Variants in CDC45 observed in about 807,000 individuals in gnomAD.
The protein encoded by CDC45 is cell division cycle 45.
In CDC45, 54 loss-of-function variants were observed where a neutral mutation model predicts 77.8. The observed-to-expected ratio is 0.69, with a 90% CI of 0.56 to 0.87. The LOEUF is 0.87. Ranked by LOEUF, CDC45 falls within the 40% of genes least tolerant of loss-of-function variation. CDC45 has a pLI of 0.00. For synonymous variants in CDC45, 260 were observed against 272.1 expected (o/e 0.96, Z 0.44); for missense variants, 649 against 721.6 (o/e 0.90, Z 1.15).
intron 2 of CDC45, 63 bp downstream of exon 2, chr22:19,480,280 C>A: frequency 6.8e-7 from 1 of 1,475,972 alleles, no homozygotes; most frequent in Non-Finnish European, 9.4e-7. Context: ...TGCGTGGGGG[C>A]GCAGGGCGGG....
intron 17 of CDC45, 108 bp downstream of exon 17, chr22:19,517,001 C>T: frequency 1.1e-6 from 1 of 891,436 alleles, no homozygotes; most frequent in South Asian, 1.5e-5. Flanking sequence ...TGGCCAGCAG[C>T]CCTCTTGACC....
At position 19,516,667 on chromosome 22, in the gene CDC45, T is replaced by G. The variant is rs1274805541; in HGVS notation, c.1559+22T>G. On this transcript the variant is annotated intron_variant, in intron 16 of 18. Coordinates refer to ENST00000263201, the MANE Select transcript of CDC45 (RefSeq NM_003504.5). ...AGAAGTGAGCAGCTTCCACTCGTCC[T>G]GGGACTGGAGGGTCGGGGGTGTTGG... is the stretch of plus-strand genomic sequence containing the variant. 6 of 1,595,432 alleles carry G rather than the reference T, an allele frequency of 3.8e-6. No homozygotes were observed. In the African/African-American group the frequency reaches 6.8e-5, roughly 18 times the overall value.
chr22:19,508,954 A>G (rs1338663310), intron 13 of CDC45, among the ~76,000 whole-genome samples: 1 of 151,418 alleles, frequency 6.6e-6, no homozygotes, highest in Non-Finnish European at 1.5e-5. Context: ...TACCTTTTGT[A>G]TCTCTTAACA....
At chr22:19,505,541 T>G (rs199603971) in intron 10 of CDC45, 60 bp downstream of exon 10, 211 of 1,596,098 alleles carry the variant, frequency 1.3e-4, no homozygotes, top group Middle Eastern at 5.6e-4. Context: ...AGGCCTTGTT[T>G]GCTTTGTCAC....
chr22:19,517,693 G>GTCCTCACGTGGTCTT (rs1390984296), intron 17 of CDC45, among the ~76,000 whole-genome samples: 2 of 152,152 alleles, frequency 1.3e-5, no homozygotes, highest in Non-Finnish European at 2.9e-5. Context: ...TTCTCACTGT[G>GTCCTCACGTGGTCTT]TCCTCACGTG....
At position 19,507,894 on chromosome 22, in the gene CDC45, C is replaced by T. The variant is rs1203634409; in HGVS notation, c.1055+30C>T. On this transcript the variant is annotated intron_variant, in intron 12 of 18. Transcript: ENST00000263201. ...ACACACATTTTTCTGGATTTATCTT[C>T]ATTACATCCAGGTTCATTAAAGTGA... 14 of 1,409,616 alleles carry T rather than the reference C, an allele frequency of 9.9e-6. No homozygotes were observed. The Admixed American group carries it at 2.0e-4, about 20-fold the overall frequency. 87.3% of individuals were successfully genotyped at this position (1,409,616 alleles called of 1,614,324 possible).
chr22:19,509,477 T>C, intron 13 of CDC45, among the ~76,000 whole-genome samples: 1 of 152,222 alleles, frequency 6.6e-6, no homozygotes, highest in East Asian at 1.9e-4. Context: ...TGGGGTTATT[T>C]AGAAAGTCTT....
At chr22:19,483,419 G>A (rs1051209568) in intron 4 of CDC45, among the ~76,000 whole-genome samples, 1 of 152,066 alleles carries the variant, frequency 6.6e-6, no homozygotes, top group Non-Finnish European at 1.5e-5. Flanking sequence ...GCGACAGAGC[G>A]AGACTCCGTC....
At chr22:19,494,471 C>T (rs1431381076) in intron 6 of CDC45, 89 bp downstream of exon 6, 1 of 1,576,908 alleles carries the variant, frequency 6.3e-7, no homozygotes. Context: ...CTTCCTGTCT[C>T]AGGATAATTT....
chr22:19,500,658 A>T lies in CDC45; in HGVS notation c.704+1507A>T, dbSNP rs9618588. ...GTGCAGTTTGTACACCCTGATGATTACATCCCCCTTGCCCCACCAATCAAC... is the reference window on the plus strand; with the variant it reads ...GTGCAGTTTGTACACCCTGATGATTTCATCCCCCTTGCCCCACCAATCAAC... On this transcript the variant is annotated intron_variant, in intron 9 of 18. Coordinates refer to ENST00000263201, the MANE Select transcript of CDC45 (RefSeq NM_003504.5). Among the ~76,000 whole-genome samples, 1,422 of 152,208 alleles carry T rather than the reference A, an allele frequency of 9.3e-3. 18 individuals carry two copies. Among genetic ancestry groups the T allele is most frequent in the African/African-American group, 0.026 (1,059 of 41,526 alleles).
At chr22:19,480,400 C>T (rs2089959402) in intron 2 of CDC45, among the ~76,000 whole-genome samples, 183 bp downstream of exon 2, 2 of 152,190 alleles carry the variant, frequency 1.3e-5, no homozygotes, top group African/African-American at 4.8e-5. Flanking sequence ...CTCCCTGTCC[C>T]AACGGTGTGG....
chr22:19,511,284 C>T (rs1933496844), intron 13 of CDC45, among the ~76,000 whole-genome samples: 1 of 149,126 alleles, frequency 6.7e-6, no homozygotes, highest in South Asian at 2.1e-4. Context: ...GCTTATTGGT[C>T]ATTTGTGTAT....
intron 4 of CDC45, among the ~76,000 whole-genome samples, chr22:19,483,619 A>C (rs1478775079): frequency 2.0e-5 from 3 of 152,212 alleles, no homozygotes; most frequent in Admixed American, 6.5e-5. Flanking sequence ...ATGGTTCTCA[A>C]AGAACTGTTT....
chr22:19,482,931 C>A, intron 4 of CDC45, 104 bp downstream of exon 4: 5 of 990,976 alleles, frequency 5.0e-6, no homozygotes, highest in Non-Finnish European at 6.2e-6. Context: ...CCCTGTGGGA[C>A]TGGGAACAGC....
intron 7 of CDC45, among the ~76,000 whole-genome samples, chr22:19,497,065 C>T (rs939593094): frequency 1.3e-5 from 2 of 152,160 alleles, no homozygotes; most frequent in African/African-American, 4.8e-5. Flanking sequence ...CTGAGGAACA[C>T]AGGGAGATAC....
At chr22:19,488,084 T>C (rs1326694224) in intron 5 of CDC45, among the ~76,000 whole-genome samples, 1 of 152,202 alleles carries the variant, frequency 6.6e-6, no homozygotes, top group African/African-American at 2.4e-5. Context: ...TGCTATAATA[T>C]CGTGGCTCAG....
In CDC45 at chr22:19,507,391, G is replaced by A. The variant is rs145642842; in HGVS notation, c.830G>A (p.Arg277His). The change falls in exon 11 of 19, where the codon CGC becomes CAC. Residue 277 changes from arginine (R) to histidine (H), a missense_variant. By Grantham distance (29) the Arg-to-His change is conservative (BLOSUM62 0). Coordinates refer to ENST00000263201, the MANE Select transcript of CDC45 (RefSeq NM_003504.5). ...CTCCTTGACTGCAGGCCCAGCCTCC[G>A]CCTGGTGCTCTACCAGCACTGGTCC... ...CTRISFEYDLRLVLYQHWSLH... is the reference protein window; with the variant it reads ...CTRISFEYDLHLVLYQHWSLH... The A allele has an allele frequency of 3.8e-5, 62 of 1,613,870 alleles. No homozygotes were observed. The highest frequency in any genetic ancestry group is 2.9e-4 in the East Asian group (13 of 44,878).
At chr22:19,515,470 C>T (rs1437719157) in intron 15 of CDC45, among the ~76,000 whole-genome samples, 1 of 152,216 alleles carries the variant, frequency 6.6e-6, no homozygotes, top group Non-Finnish European at 1.5e-5. Flanking sequence ...ACACTCCTAA[C>T]TTGGCTGGCT....
intron 8 of CDC45, among the ~76,000 whole-genome samples, chr22:19,497,678 T>G (rs546477621): frequency 3.9e-5 from 6 of 152,130 alleles, no homozygotes; most frequent in African/African-American, 1.4e-4. Context: ...AGGAAGAGAA[T>G]ACAGTACAGC....
Sources: allele counts gnomAD v4.1 joint callset (sites outside exome capture counted in the v4.1 genomes callset), GRCh38; gene constraint gnomAD v4.1.1; transcripts MANE v1.5; gene names NCBI Gene and HGNC (gene_info 2026-07-23, HGNC 2026-07-21).